The following SRGAP2B variants were observed in gnomAD, a reference collection of about 807,000 sequenced individuals.
The protein encoded by SRGAP2B is SLIT-ROBO Rho GTPase-activating protein 2B.
Under a neutral mutation model 22.2 loss-of-function variants are expected in SRGAP2B, and 9 were observed. The ratio of observed to expected loss-of-function variants is 0.41; its 90% confidence interval spans 0.24 to 0.71. The LOEUF is 0.71. SRGAP2B is among the 30% of genes least tolerant of loss of function. The pLI is 0.35. For missense variants in SRGAP2B, 114 were observed against 235.8 expected, an observed-to-expected ratio of 0.48 and a Z score of 3.38; for synonymous variants, 36 against 87.4, an observed-to-expected ratio of 0.41 and a Z score of 3.28.
At chr1:144,928,468 C>T (rs1307489740) in intron 4 of SRGAP2B, among the ~76,000 whole-genome samples, 3 of 131,376 alleles carry the variant, frequency 2.3e-5, no homozygotes, top group East Asian at 2.1e-4. Context: ...GATGGAGTCT[C>T]GCTCTGTCGC....
At position 145,076,430 on chromosome 1, in the gene SRGAP2B, C is replaced by T. The variant is rs587697654; in HGVS notation, c.67+16405G>A. 3.1e-4 allele frequency among the ~76,000 whole-genome samples: 47 copies of T among 150,198 alleles called. 1 individual carries two copies. The highest frequency in any genetic ancestry group is 1.4e-3 in the East Asian group (7 of 5,154). The stretch of plus-strand genomic sequence containing the variant: ...TAAAATAGGAAACAACCCATATGTC[C>T]GAACCATCATACATTCATACCATAG... On this transcript the variant is annotated intron_variant, in intron 2 of 9. Transcript: ENST00000612199.
chr1:145,032,577 GA>G (rs1206185357), intron 2 of SRGAP2B, among the ~76,000 whole-genome samples: 17 of 77,118 alleles, frequency 2.2e-4, no homozygotes, highest in Admixed American at 2.7e-4. Context: ...CCATCTCAAA[GA>G]AAAAAAAAAA....
intron 7 of SRGAP2B, among the ~76,000 whole-genome samples, chr1:144,904,698 CAAAAAAAAAAA>C (rs1192600476): frequency 1.2e-4 from 2 of 16,942 alleles, no homozygotes; most frequent in Non-Finnish European, 1.7e-4. Context: ...GACTCTATCT[CAAAAAAAAAAA>C]AAAAAAAAAA....
exon 2 of SRGAP2B, chr1:145,093,433 G>A (rs1451568982): frequency 4.5e-5 from 3 of 66,464 alleles, no homozygotes; most frequent in Admixed American, 1.4e-4. Flanking sequence ...CGTTTGCTCC[G>A]GTTCACTTGC....
Position 144,951,178 on chromosome 1 carries a change from GTTTTTTT to G in SRGAP2B, c.423+4254_423+4260del, listed in dbSNP as rs1271556302. 7.9e-5 allele frequency among the ~76,000 whole-genome samples: 11 copies of G among 139,604 alleles called. 2 individuals are homozygous for G. The highest frequency in any genetic ancestry group is 1.1e-4 in the Non-Finnish European group (7 of 64,222). 91.6% of individuals were successfully genotyped at this position (139,604 alleles called of 152,430 possible). A position where few individuals can be genotyped will look rare whatever the true frequency, so the allele number is the denominator to read the frequency against. ...TTTTGTTTTTTGTTTTTTGTTTTTT[GTTTTTTT>G]TTTTTAAACAGACAGGGTCTGGCTC... On this transcript the variant is annotated intron_variant, in intron 4 of 9. Transcript: ENST00000612199.
intron 4 of SRGAP2B, among the ~76,000 whole-genome samples, chr1:144,934,161 T>C (rs1553606033): frequency 1.3e-5 from 2 of 150,218 alleles, no homozygotes; most frequent in African/African-American, 2.5e-5. Context: ...TCTCAGCAGT[T>C]TGGGAGGCCG....
At chr1:144,907,577 G>A (rs1300690343) in intron 5 of SRGAP2B, among the ~76,000 whole-genome samples, 1 of 150,082 alleles carries the variant, frequency 6.7e-6, no homozygotes, top group African/African-American at 2.5e-5. Flanking sequence ...TCAACCTGGG[G>A]CTATTTTGGC....
chr1:144,959,309 G>A, intron 3 of SRGAP2B, among the ~76,000 whole-genome samples: 1 of 145,494 alleles, frequency 6.9e-6, no homozygotes, highest in African/African-American at 2.6e-5. Context: ...TAGCTGCTAG[G>A]TGATGATAGT....
intron 4 of SRGAP2B, among the ~76,000 whole-genome samples, chr1:144,953,665 G>C (rs1351069575): frequency 1.3e-5 from 2 of 151,340 alleles, no homozygotes; most frequent in African/African-American, 4.9e-5. Context: ...CACTTGAAGA[G>C]CCAGGAACAC....
chr1:144,980,060 T>C (rs1669205619), intron 3 of SRGAP2B, among the ~76,000 whole-genome samples: 1 of 149,494 alleles, frequency 6.7e-6, no homozygotes, highest in South Asian at 2.1e-4. Context: ...AGTCAATGTA[T>C]AAAAAGGAGT....
At chr1:145,088,887 C>A (rs1653692408) in intron 2 of SRGAP2B, among the ~76,000 whole-genome samples, 3 of 140,748 alleles carry the variant, frequency 2.1e-5, no homozygotes, top group South Asian at 4.6e-4. Context: ...TCTGCAGATT[C>A]AACCAAATGG....
chr1:144,898,514 C>T (rs1662444708), intron 7 of SRGAP2B, among the ~76,000 whole-genome samples: 1 of 149,082 alleles, frequency 6.7e-6, no homozygotes, highest in Admixed American at 6.7e-5. Context: ...GGCCATCCAT[C>T]ATCCTCTCTA....
rs1163767297 is a variant in SRGAP2B at position 145,061,446 on chromosome 1, G to A, written c.67+31389C>T. ...TTTCTCAAATGTATTTAAGAACTTGGTTCACTTAAACTGGAAATCACAGAT... is the reference window on the plus strand; with the variant it reads ...TTTCTCAAATGTATTTAAGAACTTGATTCACTTAAACTGGAAATCACAGAT... On this transcript the variant is annotated intron_variant, in intron 2 of 9. Transcript: ENST00000612199. Among the ~76,000 whole-genome samples, 5 of 109,922 alleles carry A rather than the reference G, an allele frequency of 4.5e-5. 1 individual carries two copies. The East Asian group carries it at 1.3e-3, about 29-fold the overall frequency. The allele number at this position is 109,922 out of a possible 152,430, so 72.1% of individuals were successfully genotyped here.
intron 4 of SRGAP2B, among the ~76,000 whole-genome samples, chr1:144,940,919 T>A (rs1314420811): frequency 6.7e-6 from 1 of 148,722 alleles, no homozygotes; most frequent in South Asian, 2.1e-4. Flanking sequence ...TAAAAGAAGA[T>A]GCAATGACAT....
intron 4 of SRGAP2B, among the ~76,000 whole-genome samples, chr1:144,932,643 T>C (rs1665287922): frequency 7.4e-6 from 1 of 134,442 alleles, no homozygotes; most frequent in African/African-American, 3.1e-5. Context: ...GGCAAGTATG[T>C]AGACATTTAG....
At position 144,955,014 on chromosome 1, in the gene SRGAP2B, A is replaced by C. The variant is rs183568408; in HGVS notation, c.423+425T>G. 7.2e-4 allele frequency among the ~76,000 whole-genome samples: 108 copies of C among 150,770 alleles called. 1 individual carries two copies. Among genetic ancestry groups the C allele is most frequent in the Non-Finnish European group, 2.1e-4 (14 of 67,952 alleles). On this transcript the variant is annotated intron_variant, in intron 4 of 9. Coordinates refer to ENST00000612199, the Ensembl canonical transcript of SRGAP2B. ...GCTCAACAGCTTCAAAAATCACTTT[A>C]AGAAAACTTCCCAAAACACAGTTTT...
chr1:144,931,713 C>T (rs1206904711), intron 4 of SRGAP2B, among the ~76,000 whole-genome samples: 15 of 148,796 alleles, frequency 1.0e-4, no homozygotes, highest in East Asian at 2.0e-4. Context: ...TGTCTCACCA[C>T]GCACCCTGGC....
intron 4 of SRGAP2B, among the ~76,000 whole-genome samples, chr1:144,939,659 T>C (rs1570792151): frequency 6.7e-6 from 1 of 149,300 alleles, no homozygotes; most frequent in East Asian, 2.0e-4. Context: ...TAGTGGTTAT[T>C]TGTGGTCCTG....
intron 4 of SRGAP2B, among the ~76,000 whole-genome samples, chr1:144,928,338 G>A (rs1300606210): frequency 6.9e-6 from 1 of 145,006 alleles, no homozygotes; most frequent in Admixed American, 6.9e-5. Context: ...GTATAGGTAT[G>A]CCATACTTTG....
Sources: gnomAD v4.1 joint callset for allele counts (sites outside exome capture counted in the v4.1 genomes callset) on GRCh38, gnomAD v4.1.1 for gene constraint, MANE v1.5 for transcripts, NCBI Gene and HGNC (gene_info 2026-07-23, HGNC 2026-07-21) for gene names.